Variants in KCND2 observed in about 807,000 individuals in gnomAD.
The protein encoded by KCND2 is potassium voltage-gated channel subfamily D member 2, also known as A-type voltage-gated potassium channel KCND2.
A neutral mutation model predicts 54.4 loss-of-function variants in KCND2; 16 were observed. That is an observed-to-expected ratio of 0.29 (90% confidence interval 0.20 to 0.45). KCND2 has a LOEUF of 0.45. KCND2 is among the 20% of genes least tolerant of loss of function. KCND2 has a pLI of 1.00. For synonymous variants in KCND2, 317 were observed against 310.7 expected, an observed-to-expected ratio of 1.02 and a Z score of -0.21; for missense variants, 486 against 824.2, an observed-to-expected ratio of 0.59 and a Z score of 5.02.
intron 1 of KCND2, among the ~76,000 whole-genome samples, chr7:120,374,589 G>A (rs1045575921): frequency 1.3e-5 from 2 of 151,676 alleles, no homozygotes; most frequent in African/African-American, 4.8e-5. Context: ...TATATACTTT[G>A]ATCTTAATTA....
intron 1 of KCND2, among the ~76,000 whole-genome samples, chr7:120,341,686 A>G (rs1234207234): frequency 6.6e-6 from 1 of 152,168 alleles, no homozygotes; most frequent in East Asian, 1.9e-4. Context: ...AAGATGTTAG[A>G]GGAAAGAAGA....
chr7:120,716,442 C>G (rs182831962), intron 1 of KCND2, among the ~76,000 whole-genome samples: 1 of 151,886 alleles, frequency 6.6e-6, no homozygotes, highest in East Asian at 1.9e-4. Flanking sequence ...TAGGCTTGTG[C>G]GGAAAGGAGA....
intron 1 of KCND2, among the ~76,000 whole-genome samples, chr7:120,293,618 G>T (rs1040752720): frequency 6.6e-6 from 1 of 152,006 alleles, no homozygotes; most frequent in South Asian, 2.1e-4. Context: ...CATTTGAAAG[G>T]ATGAAATGCA....
intron 1 of KCND2, among the ~76,000 whole-genome samples, chr7:120,635,844 T>C (rs1210273539): frequency 1.3e-5 from 2 of 152,198 alleles, no homozygotes; most frequent in African/African-American, 4.8e-5. Flanking sequence ...TGAAATTGAA[T>C]TTGGAGGATG....
intron 1 of KCND2, among the ~76,000 whole-genome samples, chr7:120,673,203 A>G (rs1792016421): frequency 6.6e-6 from 1 of 152,070 alleles, no homozygotes; most frequent in South Asian, 2.1e-4. Context: ...TAAGAAATCA[A>G]TTACTATTGT....
intron 1 of KCND2, among the ~76,000 whole-genome samples, chr7:120,450,158 A>T (rs747607539): frequency 4.6e-5 from 7 of 152,204 alleles, no homozygotes; most frequent in Non-Finnish European, 7.4e-5. Context: ...CACGCCTGTA[A>T]TCCCAGCACT....
chr7:120,453,039 A>T (rs1336795918), intron 1 of KCND2, among the ~76,000 whole-genome samples: 1 of 152,128 alleles, frequency 6.6e-6, no homozygotes. Flanking sequence ...ATGCCTGACC[A>T]TTGGAGAGCT....
chr7:120,675,241 T>A (rs1022666679), intron 1 of KCND2, among the ~76,000 whole-genome samples: 2 of 152,110 alleles, frequency 1.3e-5, no homozygotes, highest in African/African-American at 4.8e-5. Flanking sequence ...TGTTTGTTTG[T>A]TTGTTTTTAG....
At chr7:120,369,443 G>C (rs1421167030) in intron 1 of KCND2, among the ~76,000 whole-genome samples, 1 of 151,970 alleles carries the variant, frequency 6.6e-6, no homozygotes, top group Non-Finnish European at 1.5e-5. Context: ...TTATTAATCA[G>C]TTTCCTTCAG....
intron 1 of KCND2, among the ~76,000 whole-genome samples, chr7:120,391,565 C>G (rs1476318201): frequency 6.6e-6 from 1 of 152,112 alleles, no homozygotes; most frequent in Non-Finnish European, 1.5e-5. Flanking sequence ...TCTCCGCAAC[C>G]TCGTCAGCAT....
chr7:120,477,308 G>A (rs1331863864), intron 1 of KCND2, among the ~76,000 whole-genome samples: 1 of 152,124 alleles, frequency 6.6e-6, no homozygotes, highest in Non-Finnish European at 1.5e-5. Context: ...TATGTCAAAT[G>A]TAGCTTCCTC....
intron 1 of KCND2, among the ~76,000 whole-genome samples, chr7:120,348,504 C>CA (rs1800357112): frequency 6.6e-6 from 1 of 152,202 alleles, no homozygotes; most frequent in African/African-American, 2.4e-5. Flanking sequence ...ACAAAGGCTA[C>CA]ATCATCTTAT....
chr7:120,272,915 C>T (rs1387238489), upstream of KCND2, among the ~76,000 whole-genome samples: 5 of 152,146 alleles, frequency 3.3e-5, no homozygotes, highest in Admixed American at 2.6e-4. Flanking sequence ...CCCACGCTCG[C>T]CTTGAACCGG....
intron 1 of KCND2, among the ~76,000 whole-genome samples, chr7:120,419,167 A>C (rs1400709401): frequency 6.6e-6 from 1 of 152,078 alleles, no homozygotes; most frequent in Non-Finnish European, 1.5e-5. Context: ...TGTACTTCCT[A>C]TATATATCAC....
chr7:120,687,984 G>C (rs904209030), intron 1 of KCND2, among the ~76,000 whole-genome samples: 6 of 152,154 alleles, frequency 3.9e-5, no homozygotes, highest in Admixed American at 1.3e-4. Context: ...TCAGTGTCTA[G>C]TTTGGACTGT....
intron 1 of KCND2, among the ~76,000 whole-genome samples, chr7:120,320,443 A>C (rs1287117728): frequency 6.6e-6 from 1 of 152,154 alleles, no homozygotes; most frequent in Non-Finnish European, 1.5e-5. Flanking sequence ...CAAGTGGTTC[A>C]GTGTGCGAAG....
chr7:120,309,474 TACACACACACACACACAC>T (rs1209573900), intron 1 of KCND2, among the ~76,000 whole-genome samples: 9 of 113,256 alleles, frequency 7.9e-5, no homozygotes, highest in Non-Finnish European at 1.1e-4. Context: ...TATATATATA[TACACACACACACACACAC>T]ACACACACAC....
intron 1 of KCND2, among the ~76,000 whole-genome samples, chr7:120,627,841 TATA>T (rs1793181844): frequency 6.6e-6 from 1 of 151,914 alleles, no homozygotes; most frequent in Non-Finnish European, 1.5e-5. Context: ...ATGGATTATA[TATA>T]ATATTAAAAC....
At chr7:120,604,152 A>G (rs1215427701) in intron 1 of KCND2, among the ~76,000 whole-genome samples, 2 of 152,160 alleles carry the variant, frequency 1.3e-5, no homozygotes, top group Non-Finnish European at 2.9e-5. Context: ...CATTGCTGCT[A>G]CTATGTAAGT....
Sources: gnomAD v4.1 joint callset for allele counts (sites outside exome capture counted in the v4.1 genomes callset) on GRCh38, gnomAD v4.1.1 for gene constraint, MANE v1.5 for transcripts, NCBI Gene and HGNC (gene_info 2026-07-23, HGNC 2026-07-21) for gene names.